Variants in F9 observed in about 807,000 individuals in gnomAD.
F9 encodes the protein Christmas factor.
Under a neutral mutation model 34.1 loss-of-function variants are expected in F9, and 2 were observed. That is an observed-to-expected ratio of 0.06 (90% confidence interval 0.02 to 0.18). F9 has a LOEUF of 0.18. Ranked by LOEUF, F9 falls within the 10% of genes least tolerant of loss-of-function variation. F9 has a pLI of 1.00. For synonymous variants in F9, 137 were observed against 118.8 expected (o/e 1.15, Z -1.00); for missense variants, 216 against 345.1 (o/e 0.63, Z 2.96).
intron 1 of F9, among the ~76,000 whole-genome samples, chrX:139,536,216 C>T (rs370574287): frequency 3.4e-5 from 3 of 89,255 alleles, no homozygotes; most frequent in African/African-American, 8.3e-5. Flanking sequence ...TATACACACA[C>T]ATATATATGT....
At position 139,562,217 on chromosome X, in the gene F9, AT is replaced by A; in HGVS notation, c.*150del. 1 of 527,615 alleles carries A rather than the reference AT, an allele frequency of 1.9e-6. No homozygotes were observed. Among genetic ancestry groups the A allele is most frequent in the Non-Finnish European group, 3.1e-6 (1 of 325,467 alleles). 43.5% of individuals were successfully genotyped at this position (527,615 alleles called of 1,213,427 possible). A position where few individuals can be genotyped will look rare whatever the true frequency, so the allele number is the denominator to read the frequency against. ...TTCTCTTTACAGGGGAGAATTTCAT[AT>A]TTTACCTGAGCAAATTGATTAGAAA... On this transcript the variant is annotated 3_prime_UTR_variant, in exon 8 of 8. Transcript: ENST00000218099.
At chrX:139,540,243 T>A (rs1169991164) in intron 3 of F9, among the ~76,000 whole-genome samples, 3 of 111,936 alleles carry the variant, frequency 2.7e-5, no homozygotes, top group Non-Finnish European at 5.6e-5. Context: ...CTTCTCATTC[T>A]GACTTTTCTC....
chrX:139,541,223 A>G, intron 4 of F9, 34 bp downstream of exon 4: 1 of 999,343 alleles, frequency 1.0e-6, no homozygotes, highest in African/African-American at 1.9e-5. Context: ...TCATGGTTCA[A>G]AGTTTCCCTC....
At chrX:139,544,012 C>T (rs1029563606) in intron 4 of F9, among the ~76,000 whole-genome samples, 3 of 111,801 alleles carry the variant, frequency 2.7e-5, no homozygotes, top group East Asian at 2.8e-4. Context: ...CCACCTCCTG[C>T]GCAAAACAAG....
chrX:139,531,032 AT>A (rs920932015), intron 1 of F9, among the ~76,000 whole-genome samples, 180 bp downstream of exon 1: 2 of 112,000 alleles, frequency 1.8e-5, no homozygotes, highest in African/African-American at 6.5e-5. Flanking sequence ...CTTCTTCTTC[AT>A]TTTTAAAACT....
intron 3 of F9, among the ~76,000 whole-genome samples, chrX:139,538,744 T>C (rs761309424): frequency 1.1e-3 from 126 of 110,964 alleles, no homozygotes; most frequent in Non-Finnish European, 2.1e-3. Flanking sequence ...TTTCTAAAAG[T>C]AAATCCATGC....
At chrX:139,536,920 A>T (rs1416479675) in intron 1 of F9, 90 bp from the exon 2 acceptor site, 14 of 976,324 alleles carry the variant, frequency 1.4e-5, no homozygotes, top group Non-Finnish European at 2.0e-5. Context: ...GATTATTTGG[A>T]TTAAAAACAA....
intron 4 of F9, among the ~76,000 whole-genome samples, chrX:139,542,024 C>G (rs1927613856): frequency 9.0e-6 from 1 of 111,353 alleles, no homozygotes; most frequent in South Asian, 3.8e-4. Context: ...AATAGAGATG[C>G]AATCCTAAGG....
rs1927330499 is a variant in F9, at chrX:139,530,878, T to C, written c.88+26T>C. 5 of 1,078,240 alleles carry C rather than the reference T, an allele frequency of 4.6e-6. No homozygotes were observed. In the East Asian group the frequency reaches 1.5e-4, roughly 32 times the overall value. The allele number at this position is 1,078,240 out of a possible 1,213,427, so 88.9% of individuals were successfully genotyped here. On this transcript the variant is annotated intron_variant, in intron 1 of 7. Coordinates refer to ENST00000218099, the MANE Select transcript of F9 (RefSeq NM_000133.4). ...GTTTGTTTCCTTTTTTAAAATACAT[T>C]GAGTATGCTTGCCTTTTAGATATAG...
Position 139,556,663 on chromosome X carries a change from G to T in F9, c.724-4078G>T, listed in dbSNP as rs4149727. Among the ~76,000 whole-genome samples the T allele has an allele frequency of 3.9e-3, 435 of 111,995 alleles. 1 individual carries two copies. Among genetic ancestry groups the T allele is most frequent in the African/African-American group, 0.013 (416 of 30,819 alleles). On this transcript the variant is annotated intron_variant, in intron 6 of 7. Coordinates refer to ENST00000218099, the MANE Select transcript of F9 (RefSeq NM_000133.4). ...AAATAAGAACGTGACATGTGTAATC[G>T]CACCTGGCTCTACAAAGCTAGTCTG...
chrX:139,539,905 G>A (rs944780478), intron 3 of F9, among the ~76,000 whole-genome samples: 1 of 111,381 alleles, frequency 9.0e-6, no homozygotes, highest in Non-Finnish European at 1.9e-5. Context: ...CTGGATACAC[G>A]CTTCTGACAG....
At chrX:139,547,320 TAA>T (rs1018452442) in intron 4 of F9, 17 of 111,578 alleles carry the variant, frequency 1.5e-4, no homozygotes, top group African/African-American at 5.2e-4. Flanking sequence ...AAAAATTTCT[TAA>T]AATACAAAAA....
At chrX:139,560,660 A>C in intron 6 of F9, 81 bp from the exon 7 acceptor site, 5 of 701,151 alleles carry the variant, frequency 7.1e-6, no homozygotes. Context: ...TATTTTGCCT[A>C]TTCCTGTAAC....
At chrX:139,551,888 A>G (rs1185073270) in intron 6 of F9, among the ~76,000 whole-genome samples, 3 of 112,042 alleles carry the variant, frequency 2.7e-5, no homozygotes, top group Non-Finnish European at 5.6e-5. Context: ...ATTTTGATGC[A>G]CATTATAGTT....
At chrX:139,542,763 G>A (rs756046314) in intron 4 of F9, among the ~76,000 whole-genome samples, 11 of 111,595 alleles carry the variant, frequency 9.9e-5, no homozygotes, top group Admixed American at 2.9e-4. Flanking sequence ...AGTTTGCTAC[G>A]TGTGTGGCTG....
intron 1 of F9, among the ~76,000 whole-genome samples, chrX:139,533,188 G>A (rs1198912012): frequency 8.9e-6 from 1 of 112,127 alleles, no homozygotes; most frequent in Non-Finnish European, 1.9e-5. Flanking sequence ...ATCTGGGTAT[G>A]GAAGGGGAAA....
At chrX:139,538,811 T>C (rs754355164) in intron 3 of F9, among the ~76,000 whole-genome samples, 3 of 110,685 alleles carry the variant, frequency 2.7e-5, no homozygotes, top group African/African-American at 6.6e-5. Flanking sequence ...CCTTCATTGC[T>C]CACTCCCCAC....
chrX:139,553,812 C>CAAAAAAAA (rs3073312), intron 6 of F9, among the ~76,000 whole-genome samples: 3 of 12,207 alleles, frequency 2.5e-4, no homozygotes, highest in African/African-American at 1.0e-3. Flanking sequence ...GACTCCGTCT[C>CAAAAAAAA]AAAAAAAAAA....
At chrX:139,542,641 C>T (rs1927627980) in intron 4 of F9, among the ~76,000 whole-genome samples, 1 of 111,529 alleles carries the variant, frequency 9.0e-6, no homozygotes, top group Non-Finnish European at 1.9e-5. Context: ...TTGTTGTAAA[C>T]TATAATTGAA....
Sources: gnomAD v4.1 joint callset for allele counts (sites outside exome capture counted in the v4.1 genomes callset) on GRCh38, gnomAD v4.1.1 for gene constraint, MANE v1.5 for transcripts, NCBI Gene and HGNC (gene_info 2026-07-23, HGNC 2026-07-21) for gene names.